Variants in F13A1 observed in about 807,000 individuals in gnomAD.
F13A1 encodes FSF, A subunit.
Under a neutral mutation model 80.1 loss-of-function variants are expected in F13A1, and 47 were observed. That is an observed-to-expected ratio of 0.59 (90% CI 0.46 to 0.75). F13A1 has a LOEUF of 0.75. F13A1 is among the 30% of genes least tolerant of loss of function. The pLI, the probability that F13A1 is intolerant of heterozygous loss-of-function variation, is 0.00. For synonymous variants in F13A1, 349 were observed against 344.9 expected (o/e 1.01, Z -0.13); for missense variants, 817 against 930.4 (o/e 0.88, Z 1.59).
At chr6:6,221,523 C>T (rs142109979) in intron 8 of F13A1, among the ~76,000 whole-genome samples, 2 of 152,114 alleles carry the variant, frequency 1.3e-5, no homozygotes, top group Non-Finnish European at 2.9e-5. Flanking sequence ...GATGTATGAC[C>T]GTGAGCAAGC....
intron 2 of F13A1, among the ~76,000 whole-genome samples, chr6:6,308,869 CT>C (rs11287834): frequency 0.15 from 22,851 of 151,982 alleles, 2,047 homozygotes; most frequent in Non-Finnish European, 0.2. Context: ...GGTAATCCCC[CT>C]GCCTCAGCCT....
chr6:6,177,691 G>T (rs1760906035), intron 11 of F13A1, among the ~76,000 whole-genome samples: 1 of 152,212 alleles, frequency 6.6e-6, no homozygotes, highest in African/African-American at 2.4e-5. Flanking sequence ...CAAACACCGT[G>T]CTAGGCACTA....
At chr6:6,259,901 T>A (rs1169727304) in intron 4 of F13A1, among the ~76,000 whole-genome samples, 1 of 152,176 alleles carries the variant, frequency 6.6e-6, no homozygotes, top group Non-Finnish European at 1.5e-5. Flanking sequence ...GGCACAGATA[T>A]CAGAAATCTA....
At chr6:6,147,405 A>G (rs895092188) in intron 14 of F13A1, among the ~76,000 whole-genome samples, 2 of 152,214 alleles carry the variant, frequency 1.3e-5, no homozygotes, top group African/African-American at 2.4e-5. Context: ...TAGTAATAAG[A>G]GTGTCCTGGA....
At chr6:6,257,535 T>A (rs1467845099) in intron 4 of F13A1, among the ~76,000 whole-genome samples, 1 of 152,118 alleles carries the variant, frequency 6.6e-6, no homozygotes, top group African/African-American at 2.4e-5. Flanking sequence ...CAGTATAAAG[T>A]AGAGTAGTTC....
At chr6:6,211,115 G>A (rs3024423) in intron 8 of F13A1, among the ~76,000 whole-genome samples, 2,833 of 152,300 alleles carry the variant, frequency 0.019, 82 homozygotes, top group African/African-American at 0.061. Flanking sequence ...TATTGGCTGG[G>A]ACCTTGGTTA....
intron 13 of F13A1, among the ~76,000 whole-genome samples, chr6:6,156,186 G>A (rs6931961): frequency 0.2 from 30,753 of 152,064 alleles, 3,254 homozygotes; most frequent in Middle Eastern, 0.28. Flanking sequence ...TCAACCCGTA[G>A]TATGCTTTTT....
chr6:6,257,891 TG>T (rs1757723879), intron 4 of F13A1, among the ~76,000 whole-genome samples: 1 of 152,302 alleles, frequency 6.6e-6, no homozygotes, highest in Admixed American at 6.5e-5. Flanking sequence ...ACAAAGAAAA[TG>T]TCAGAGCTTC....
chr6:6,148,991 C>CG, intron 14 of F13A1, among the ~76,000 whole-genome samples: 1 of 100,126 alleles, frequency 1.0e-5, no homozygotes, highest in East Asian at 2.5e-4. Context: ...CATGTAGACA[C>CG]TAAAAAAAAA....
chr6:6,302,189 C>T (rs1437679843), intron 3 of F13A1, among the ~76,000 whole-genome samples: 1 of 152,124 alleles, frequency 6.6e-6, no homozygotes, highest in East Asian at 1.9e-4. Context: ...TCCTCTTCTC[C>T]CCACCCTAAA....
At chr6:6,312,357 T>G (rs901042972) in intron 2 of F13A1, among the ~76,000 whole-genome samples, 1 of 151,722 alleles carries the variant, frequency 6.6e-6, no homozygotes. Flanking sequence ...AAGTAAAACT[T>G]TCCTGTATAA....
intron 4 of F13A1, among the ~76,000 whole-genome samples, chr6:6,260,464 T>A (rs753032805): frequency 6.6e-5 from 10 of 152,186 alleles, no homozygotes; most frequent in Non-Finnish European, 2.9e-5. Flanking sequence ...GGCGACAGTC[T>A]CACCCCTCTC....
chr6:6,163,365 A>G (rs1760605988), intron 13 of F13A1, among the ~76,000 whole-genome samples: 1 of 152,212 alleles, frequency 6.6e-6, no homozygotes, highest in African/African-American at 2.4e-5. Context: ...GTTCAGGGGT[A>G]CATGTGCAGG....
At chr6:6,159,818 C>A (rs556233328) in intron 13 of F13A1, among the ~76,000 whole-genome samples, 2 of 152,196 alleles carry the variant, frequency 1.3e-5, no homozygotes, top group African/African-American at 4.8e-5. Context: ...CTTTCACAGG[C>A]CCCATGTACA....
chr6:6,158,152 G>A (rs981942201), intron 13 of F13A1, among the ~76,000 whole-genome samples: 1 of 152,116 alleles, frequency 6.6e-6, no homozygotes, highest in Non-Finnish European at 1.5e-5. Flanking sequence ...TCCTTGCTCA[G>A]AGTCCCTCAG....
intron 5 of F13A1, among the ~76,000 whole-genome samples, chr6:6,249,741 G>A (rs755060881): frequency 3.3e-5 from 5 of 152,206 alleles, no homozygotes; most frequent in African/African-American, 4.8e-5. Flanking sequence ...AAGGGCATCA[G>A]GCAGTAGGCA....
chr6:6,303,601 A>G (rs1317059956), intron 3 of F13A1, among the ~76,000 whole-genome samples: 1 of 152,184 alleles, frequency 6.6e-6, no homozygotes, highest in Non-Finnish European at 1.5e-5. Flanking sequence ...ATTATTAACT[A>G]TAGTCACCAT....
intron 3 of F13A1, among the ~76,000 whole-genome samples, chr6:6,289,509 A>G (rs905596906): frequency 2.3e-4 from 35 of 149,418 alleles, no homozygotes; most frequent in African/African-American, 8.5e-4. Context: ...CCTTTGGGGG[A>G]AAAAAAGGAG....
chr6:6,199,494 G>GAA (rs58442527), intron 8 of F13A1, among the ~76,000 whole-genome samples: 37 of 138,920 alleles, frequency 2.7e-4, no homozygotes, highest in Admixed American at 2.2e-4. Context: ...CTCCATCTCA[G>GAA]AAAAAAAAAA....
Sources: allele counts gnomAD v4.1 joint callset (sites outside exome capture counted in the v4.1 genomes callset), GRCh38; gene constraint gnomAD v4.1.1; transcripts MANE v1.5; gene names NCBI Gene and HGNC (gene_info 2026-07-23, HGNC 2026-07-21).